CPNE7: variants seen among roughly 807,000 people sequenced by gnomAD.
CPNE7 encodes copine 7.
Under a neutral mutation model 66.5 loss-of-function variants are expected in CPNE7, and 78 were observed. That is an observed-to-expected ratio of 1.17 (90% confidence interval 0.98 to 1.42). The LOEUF (loss-of-function observed/expected upper bound fraction) is 1.42, where lower values mean the gene tolerates loss of function less well. CPNE7 is among the 40% of genes most tolerant of loss of function. The pLI is 0.00. For synonymous variants in CPNE7, 468 were observed against 336.7 expected (o/e 1.39, Z -4.27); for missense variants, 1,012 against 776.6 (o/e 1.30, Z -3.60).
rs150055504 is a variant in CPNE7 at position 89,596,527 on chromosome 16, C to A, written c.1583C>A (p.Pro528Gln). 2 of 1,610,058 alleles carry A rather than the reference C, an allele frequency of 1.2e-6. No individual in the cohort carries two copies. Among genetic ancestry groups the A allele is most frequent in the South Asian group, 2.2e-5 (2 of 91,064 alleles). Residue 528 changes from proline (P) to glutamine (Q), a missense_variant, in exon 15 of 15, where the codon CCG becomes CAG. Coordinates refer to ENST00000319518, the MANE Select transcript of CPNE7 (RefSeq NM_153636.3). Reference protein sequence around the residue: ...ALAKCVLAEVPKQVVEYYSHR... With the variant: ...ALAKCVLAEVQKQVVEYYSHR... ...GCCAAGTGCGTGCTGGCCGAGGTCCCGAAGCAGGTGGTGGAGTACTACAGC... is the reference window on the plus strand; with the variant it reads ...GCCAAGTGCGTGCTGGCCGAGGTCCAGAAGCAGGTGGTGGAGTACTACAGC...
chr16:89,589,999 C>T, intron 11 of CPNE7, 48 bp downstream of exon 11: 1 of 1,603,222 alleles, frequency 6.2e-7, no homozygotes, highest in Middle Eastern at 1.7e-4. Flanking sequence ...CCTTCTCGTG[C>T]CCTCCCAGGC....
intron 9 of CPNE7, 22 bp from the exon 10 acceptor site, chr16:89,588,653 C>A: frequency 1.2e-6 from 2 of 1,612,626 alleles, no homozygotes; most frequent in Admixed American, 3.3e-5. Flanking sequence ...CAGCACAGCT[C>A]CTGGCTCCCG....
chr16:89,595,400 G>A lies in CPNE7; in HGVS notation c.1336G>A (p.Val446Met), dbSNP rs764394624. 18 of 1,595,184 alleles carry A rather than the reference G, an allele frequency of 1.1e-5. No homozygotes were observed. The highest frequency in any genetic ancestry group is 2.2e-5 in the East Asian group (1 of 44,508). The change falls in exon 14 of 15, where the codon GTG becomes ATG. Residue 446 changes from valine to methionine, a missense_variant. Val to Met is a conservative substitution (Grantham distance 21). Transcript: ENST00000319518. ...YYILLILTDG[V>M]VTDMADTREA... The stretch of plus-strand genomic sequence containing the variant: ...CATCCTGCTGATCCTGACGGACGGC[G>A]TGGTGACCGACATGGCCGACACACG...
intron 13 of CPNE7, among the ~76,000 whole-genome samples, chr16:89,593,485 T>G (rs926447396): frequency 1.3e-5 from 2 of 151,954 alleles, no homozygotes; most frequent in African/African-American, 2.4e-5. Flanking sequence ...CCCAAATAGC[T>G]GGGACTACAG....
At chr16:89,576,977 G>A (rs1597688529) in intron 1 of CPNE7, among the ~76,000 whole-genome samples, 2 of 152,136 alleles carry the variant, frequency 1.3e-5, no homozygotes, top group Non-Finnish European at 2.9e-5. Context: ...CGGAGGCCTC[G>A]TGCCCGCACC....
intron 2 of CPNE7, 48 bp downstream of exon 2, chr16:89,577,769 C>T (rs2058883537): frequency 2.0e-5 from 30 of 1,534,522 alleles, no homozygotes; most frequent in Non-Finnish European, 2.5e-5. Flanking sequence ...GGCGTGGGGG[C>T]CACAGCCGAT....
Position 89,593,862 on chromosome 16 carries a change from G to A in CPNE7, c.1303-1505G>A, listed in dbSNP as rs577839379. Among the ~76,000 whole-genome samples, 18 of 152,292 alleles carry A rather than the reference G, an allele frequency of 1.2e-4. 1 individual carries two copies. The South Asian group carries it at 3.1e-3, about 26-fold the overall frequency. ...GAGCCAGTCCGGAGTCGAGGATTGC[G>A]TTCAGCTGTTATGTTCCTGTGTGGC... is the stretch of plus-strand genomic sequence containing the variant. On this transcript the variant is annotated intron_variant, in intron 13 of 14. Coordinates refer to ENST00000319518, the MANE Select transcript of CPNE7 (RefSeq NM_153636.3).
chr16:89,595,947 A>G (rs559093393), intron 14 of CPNE7: 101 of 521,558 alleles, frequency 1.9e-4, no homozygotes, highest in African/African-American at 1.7e-3. Context: ...CCGCCGAGAC[A>G]CACACAGCAC....
Position 89,584,587 on chromosome 16 carries a change from G to C in CPNE7, c.508-187G>C, listed in dbSNP as rs947885307. 2.0e-5 allele frequency among the ~76,000 whole-genome samples: 3 copies of C among 151,636 alleles called. No homozygotes were observed. The highest frequency in any genetic ancestry group is 2.4e-5 in the African/African-American group (1 of 41,338). On this transcript the variant is annotated intron_variant, in intron 4 of 14. Transcript: ENST00000319518. The surrounding 1 kb of genome is among the most constrained non-coding windows in gnomAD (Gnocchi z 6.0). ...TCCATGGAGGGCTGAGTTGCCCGCC[G>C]TGGTCAGATCCCTGGGGGCGGGAGG...
rs1174784518 is a variant in CPNE7, at chr16:89,588,739, AC to A, written c.996del (p.Tyr333ThrfsTer7). On this transcript the variant is annotated frameshift_variant, in exon 10 of 15. Coordinates refer to ENST00000319518, the MANE Select transcript of CPNE7 (RefSeq NM_153636.3). LOFTEE classifies it high-confidence loss of function. ...PRNSCSLHYI[N>X]PYQPNEYLKA... ...AACAGCTGCTCCCTGCACTACATCA[AC>A]CCCTACCAGCCGAACGAGTACCTGA... is the stretch of plus-strand genomic sequence containing the variant. 1 of 1,613,248 alleles carries A rather than the reference AC, an allele frequency of 6.2e-7. No homozygotes were observed. Among genetic ancestry groups the A allele is most frequent in the Non-Finnish European group, 8.5e-7 (1 of 1,179,888 alleles).
At chr16:89,580,742 C>T (rs1371248740) in intron 2 of CPNE7, among the ~76,000 whole-genome samples, 2 of 150,246 alleles carry the variant, frequency 1.3e-5, no homozygotes, top group Non-Finnish European at 3.0e-5. Flanking sequence ...GAACATCTCA[C>T]CCATCACACG....
intron 2 of CPNE7, among the ~76,000 whole-genome samples, chr16:89,581,490 C>T (rs2058958866): frequency 6.6e-6 from 1 of 152,200 alleles, no homozygotes; most frequent in East Asian, 1.9e-4. Context: ...AATTCTTTTA[C>T]CCAACATAAT....
intron 10 of CPNE7, 142 bp from the exon 11 acceptor site, chr16:89,589,755 A>T (rs397564): frequency 6.1e-6 from 5 of 820,448 alleles, no homozygotes; most frequent in African/African-American, 1.7e-5. Flanking sequence ...TCGGTTCCCC[A>T]CCTCTGGCAG....
At position 89,584,037 on chromosome 16, in the gene CPNE7, G is replaced by A. The variant is rs369886930; in HGVS notation, c.442G>A (p.Glu148Lys). 6.8e-6 allele frequency: 11 copies of A among 1,612,104 alleles called. No homozygotes were observed. Among genetic ancestry groups the A allele is most frequent in the South Asian group, 1.1e-5 (1 of 91,058 alleles). ...GGCGTCCCCCTGCCAGGTGATCGCC[G>A]AGGACATCTCGGGGAACAACGGCTA... is the stretch of plus-strand genomic sequence containing the variant. ...AGKSTITVIA[E>K]DISGNNGYVE... Residue 148 changes from glutamate to lysine, a missense_variant, in exon 4 of 15, where the codon GAG becomes AAG. Glu to Lys is a moderately conservative substitution (Grantham distance 56). Coordinates refer to ENST00000319518, the MANE Select transcript of CPNE7 (RefSeq NM_153636.3). The surrounding 1 kb of genome is among the most constrained non-coding windows in gnomAD (Gnocchi z 6.0).
In CPNE7 at chr16:89,585,514, G is replaced by C. The variant is rs1467964276; in HGVS notation, c.642G>C (p.Leu214=). The C allele has an allele frequency of 3.1e-6, 5 of 1,612,254 alleles. No individual in the cohort carries two copies. The highest frequency in any genetic ancestry group is 2.2e-5 in the East Asian group (1 of 44,766). ...TGTGGGAGGCCTTCAAAGTCTCTCT[G>C]AGTTCCCTCTGCAGCTGCGAGGAGA... ...NPVWEAFKVS[L]SSLCSCEETR... is the part of the protein sequence containing the mutation. The change falls in exon 6 of 15, where the codon CTG becomes CTC. Residue 214 remains leucine (L), a synonymous_variant. Coordinates refer to ENST00000319518, the MANE Select transcript of CPNE7 (RefSeq NM_153636.3).
In CPNE7 at chr16:89,584,455, G is replaced by A. The variant is rs1238873991; in HGVS notation, c.508-319G>A. ...TGCGGGCTCGTCACGTGGGTGGGCA[G>A]AACAGGGTCCAACCCCGCCATGTAG... On this transcript the variant is annotated intron_variant, in intron 4 of 14. Transcript: ENST00000319518. This position sits in a 1 kb window ranked among gnomAD's most constrained non-coding sequence, Gnocchi z 6.0. 6.6e-6 allele frequency among the ~76,000 whole-genome samples: 1 copy of A among 152,232 alleles called. No individual in the cohort carries two copies. Among genetic ancestry groups the A allele is most frequent in the Non-Finnish European group, 1.5e-5 (1 of 68,026 alleles).
At chr16:89,578,818 G>A (rs778904372) in intron 2 of CPNE7, 3 of 1,563,144 alleles carry the variant, frequency 1.9e-6, no homozygotes, top group South Asian at 1.2e-5. Flanking sequence ...GGTGGCCACT[G>A]CTTCCTTGGT....
chr16:89,587,633 C>T (rs1322895951), intron 9 of CPNE7: 42 of 449,488 alleles, frequency 9.3e-5, no homozygotes, highest in South Asian at 5.9e-4. Context: ...TCCAAGGAGC[C>T]CGGCACAGAC....
chr16:89,597,005 C>T lies in CPNE7; in HGVS notation c.*384C>T, dbSNP rs377276539. 124 of 168,980 alleles carry T rather than the reference C, an allele frequency of 7.3e-4. No individual in the cohort carries two copies. The East Asian group carries it at 0.016, about 22-fold the overall frequency. The allele number at this position is 168,980 out of a possible 1,614,324, so 10.5% of individuals were successfully genotyped here. ...GCCAGCAAGGCAGTCCCCCCACGCC[C>T]GAGAAAGCCTGGGGGACCCAGACAC... On this transcript the variant is annotated 3_prime_UTR_variant, in exon 15 of 15. Transcript: ENST00000319518.
Sources: gnomAD v4.1 joint callset for allele counts (sites outside exome capture counted in the v4.1 genomes callset) on GRCh38, gnomAD v4.1.1 for gene constraint, Gnocchi (gnomAD v3.1) non-coding constraint, MANE v1.5 for transcripts, NCBI Gene and HGNC (gene_info 2026-07-23, HGNC 2026-07-21) for gene names.